Variants in DYNC1H1 observed in about 807,000 individuals in gnomAD.
DYNC1H1 encodes the protein cytoplasmic dynein 1 heavy chain 1.
DYNC1H1 carries 51 observed loss-of-function variants against 527.1 expected under a neutral mutation model. The observed-to-expected ratio is 0.10, with a 90% CI of 0.08 to 0.12. The LOEUF (loss-of-function observed/expected upper bound fraction) is 0.12, where lower values mean the gene tolerates loss of function less well. Ranked by LOEUF, DYNC1H1 falls within the 10% of genes least tolerant of loss-of-function variation. The pLI, the probability that DYNC1H1 is intolerant of heterozygous loss-of-function variation, is 1.00. For missense variants in DYNC1H1, 2,771 were observed against 5,971.8 expected (o/e 0.46, Z 17.66); for synonymous variants, 2,189 against 2,278.8 (o/e 0.96, Z 1.12).
At position 102,038,902 on chromosome 14, in the gene DYNC1H1, C is replaced by T. The variant is rs2048609181; in HGVS notation, c.11206+54C>T. On this transcript the variant is annotated intron_variant, in intron 59 of 77. Coordinates refer to ENST00000360184, the MANE Select transcript of DYNC1H1 (RefSeq NM_001376.5). The surrounding 1 kb of genome is among the most constrained non-coding windows in gnomAD (Gnocchi z 7.2). Reference sequence around the variant, plus strand: ...GGTTGGTGCAGGGGAAGGGGCTGAACTTTTAAGTGACTAGGATGTTCCACG... The same window carrying T: ...GGTTGGTGCAGGGGAAGGGGCTGAATTTTTAAGTGACTAGGATGTTCCACG... 1 of 1,613,716 alleles carries T rather than the reference C, an allele frequency of 6.2e-7. No homozygotes were observed. Among genetic ancestry groups the T allele is most frequent in the East Asian group, 2.2e-5 (1 of 44,882 alleles).
rs2048486084 is a variant in DYNC1H1 at position 102,029,468 on chromosome 14, C to T, written c.9469-71C>T. 6.2e-7 allele frequency: 1 copy of T among 1,608,418 alleles called. No individual in the cohort carries two copies. Among genetic ancestry groups the T allele is most frequent in the East Asian group, 2.2e-5 (1 of 44,706 alleles). ...ATCATGTCACACCCATCTGCCAAGG[C>T]CAAAATTGTTTTCTGAGGTTAAGTC... On this transcript the variant is annotated intron_variant, in intron 48 of 77. Coordinates refer to ENST00000360184, the MANE Select transcript of DYNC1H1 (RefSeq NM_001376.5). This position sits in a 1 kb window ranked among gnomAD's most constrained non-coding sequence, Gnocchi z 5.3.
In DYNC1H1 at chr14:102,016,710, C is replaced by T. The variant is rs1361217460; in HGVS notation, c.7615-56C>T. ...CAAGTTTGTGTTCAGGTAAACAAACCTCGTGAGGAGGCACCTTGGTTGCAG... is the reference window on the plus strand; with the variant it reads ...CAAGTTTGTGTTCAGGTAAACAAACTTCGTGAGGAGGCACCTTGGTTGCAG... On this transcript the variant is annotated intron_variant, in intron 37 of 77. Coordinates refer to ENST00000360184, the MANE Select transcript of DYNC1H1 (RefSeq NM_001376.5). This position sits in a 1 kb window ranked among gnomAD's most constrained non-coding sequence, Gnocchi z 7.3. 4.4e-6 allele frequency: 7 copies of T among 1,584,992 alleles called. No homozygotes were observed. Among genetic ancestry groups the T allele is most frequent in the Non-Finnish European group, 5.2e-6 (6 of 1,164,292 alleles).
At chr14:101,980,247 G>C (rs761723746) in intron 4 of DYNC1H1, 117 bp from the exon 5 acceptor site, 79 of 1,334,224 alleles carry the variant, frequency 5.9e-5, no homozygotes, top group Middle Eastern at 5.0e-4. Context: ...TGATTTACAG[G>C]GAAGGAAATC....
intron 63 of DYNC1H1, 74 bp downstream of exon 63, chr14:102,040,484 G>T: frequency 6.2e-7 from 1 of 1,612,708 alleles, no homozygotes; most frequent in South Asian, 1.1e-5. Flanking sequence ...ATTGCATGTG[G>T]TATAAAACCC....
At position 102,022,830 on chromosome 14, in the gene DYNC1H1, A is replaced by G. The variant is rs773039767; in HGVS notation, c.8587A>G (p.Arg2863Gly). ...TCTGAAGCACTTCCCTAACATCGACAGAGAGAAGGCAATGAGCCGACCCAT... is the reference window on the plus strand; with the variant it reads ...TCTGAAGCACTTCCCTAACATCGACGGAGAGAAGGCAATGAGCCGACCCAT... ...VALKHFPNIDREKAMSRPILY... is the reference protein window; with the variant it reads ...VALKHFPNIDGEKAMSRPILY... Residue 2863 changes from arginine to glycine, a missense_variant, in exon 43 of 78, where the codon AGA (arginine) becomes GGA (glycine). Arg to Gly is a moderately radical substitution (Grantham distance 125, BLOSUM62 -2). This residue lies in a region of DYNC1H1 where 163 missense variants were observed against 346.9 expected (regional missense o/e 0.47). Transcript: ENST00000360184. 1 of 1,614,250 alleles carries G rather than the reference A, an allele frequency of 6.2e-7. No individual in the cohort carries two copies. The highest frequency in any genetic ancestry group is 1.1e-5 in the South Asian group (1 of 91,088).
intron 1 of DYNC1H1, among the ~76,000 whole-genome samples, chr14:101,970,116 CTCTTT>C (rs1304385974): frequency 2.0e-5 from 3 of 152,264 alleles, no homozygotes; most frequent in South Asian, 2.1e-4. Flanking sequence ...AAAATTCTTT[CTCTTT>C]TCTTTTCGGG....
chr14:102,025,821 A>G (rs537963456), intron 43 of DYNC1H1, among the ~76,000 whole-genome samples: 2 of 152,314 alleles, frequency 1.3e-5, no homozygotes, highest in South Asian at 2.1e-4. Context: ...AAGTCTGTTT[A>G]ATAGGGCAGG....
intron 7 of DYNC1H1, among the ~76,000 whole-genome samples, chr14:101,984,104 A>T (rs922544386): frequency 6.6e-6 from 1 of 151,880 alleles, no homozygotes; most frequent in Non-Finnish European, 1.5e-5. Context: ...AGTAGCTGGG[A>T]CTATAGGCGC....
Position 102,036,734 on chromosome 14 carries a change from C to T in DYNC1H1, c.10908+92C>T. 1 of 1,471,574 alleles carries T rather than the reference C, an allele frequency of 6.8e-7. No individual in the cohort carries two copies. The highest frequency in any genetic ancestry group is 1.1e-5 in the South Asian group (1 of 87,526). 91.2% of individuals were successfully genotyped at this position (1,471,574 alleles called of 1,614,324 possible). A position where few individuals can be genotyped will look rare whatever the true frequency, so the allele number is the denominator to read the frequency against. ...TTTAGTTTTCAACTTTGTAAGACTT[C>T]ATTTTGTATCAGAAGGATAAAGCTT... On this transcript the variant is annotated intron_variant, in intron 57 of 77. Coordinates refer to ENST00000360184, the MANE Select transcript of DYNC1H1 (RefSeq NM_001376.5). This position sits in a 1 kb window ranked among gnomAD's most constrained non-coding sequence, Gnocchi z 5.6.
At chr14:102,035,636 GC>G (rs2048565413) in intron 56 of DYNC1H1, 1 of 152,222 alleles carries the variant, frequency 6.6e-6, no homozygotes, top group South Asian at 2.1e-4. Flanking sequence ...GGCCCACCAC[GC>G]CGTGGTGCTG....
chr14:102,001,751 C>T lies in DYNC1H1; in HGVS notation c.4542+70C>T, dbSNP rs1277557461. The T allele has an allele frequency of 1.4e-5, 23 of 1,596,930 alleles. No homozygotes were observed. Among genetic ancestry groups the T allele is most frequent in the Non-Finnish European group, 1.9e-5 (22 of 1,166,798 alleles). On this transcript the variant is annotated intron_variant, in intron 21 of 77. Coordinates refer to ENST00000360184, the MANE Select transcript of DYNC1H1 (RefSeq NM_001376.5). This position sits in a 1 kb window ranked among gnomAD's most constrained non-coding sequence, Gnocchi z 5.0. ...ACGCTTTCACTGTAATGCCTTTTCA[C>T]TGACAGTTACTAGGTACCTGTTTTT...
In DYNC1H1 at chr14:102,011,319, C is replaced by A; in HGVS notation, c.6618+367C>A. 2.7e-6 allele frequency: 1 copy of A among 369,520 alleles called. No homozygotes were observed. The highest frequency in any genetic ancestry group is 2.2e-5 in the South Asian group (1 of 45,328). The allele number at this position is 369,520 out of a possible 1,614,324, so 22.9% of individuals were successfully genotyped here. A position where few individuals can be genotyped will look rare whatever the true frequency, so the allele number is the denominator to read the frequency against. On this transcript the variant is annotated intron_variant, in intron 32 of 77. Transcript: ENST00000360184. The surrounding 1 kb of genome is among the most constrained non-coding windows in gnomAD (Gnocchi z 5.3). ...GTTTACATTCTGTATTGGCTTCTTTCCTTCCTCTATGTGATTCATTTAAGA... is the reference window on the plus strand; with the variant it reads ...GTTTACATTCTGTATTGGCTTCTTTACTTCCTCTATGTGATTCATTTAAGA...
intron 52 of DYNC1H1, 33 bp downstream of exon 52, chr14:102,032,500 A>C (rs1207552209): frequency 6.2e-7 from 1 of 1,613,598 alleles, no homozygotes; most frequent in African/African-American, 1.3e-5. Flanking sequence ...GTATTGCCAG[A>C]AATTGAAATC....
At chr14:101,975,891 T>G (rs1004887370) in intron 2 of DYNC1H1, 92 bp downstream of exon 2, 2 of 986,282 alleles carry the variant, frequency 2.0e-6, no homozygotes, top group African/African-American at 3.3e-5. Flanking sequence ...AAATTCTTAC[T>G]AAGAGAATTA....
rs1444213016 is a variant in DYNC1H1 at position 101,984,445 on chromosome 14, A to ATT, written c.1461+837_1461+838dup. 2.3e-3 allele frequency among the ~76,000 whole-genome samples: 215 copies of ATT among 92,780 alleles called. 14 individuals are homozygous for ATT. Among genetic ancestry groups the ATT allele is most frequent in the African/African-American group, 9.4e-3 (162 of 17,198 alleles). The allele number at this position is 92,780 out of a possible 152,430, so 60.9% of individuals were successfully genotyped here. A position where few individuals can be genotyped will look rare whatever the true frequency, so the allele number is the denominator to read the frequency against. ...TGTGTGTGTGTGTATATATATATAT[A>ATT]TTATATTTTTTTTTTTTTTTTTTTT... On this transcript the variant is annotated intron_variant, in intron 7 of 77. Coordinates refer to ENST00000360184, the MANE Select transcript of DYNC1H1 (RefSeq NM_001376.5).
rs1281562859 is a variant in DYNC1H1, at chr14:102,002,674, G to A, written c.4680G>A (p.Leu1560=). ...IFTGSADIKH[L]LPVETQRFQS... Reference sequence around the variant, plus strand: ...CAGGCAGTGCAGATATCAAGCACCTGCTGCCAGTGGAAACCCAGCGGTTTC... The same window carrying A: ...CAGGCAGTGCAGATATCAAGCACCTACTGCCAGTGGAAACCCAGCGGTTTC... The change falls in exon 22 of 78, where the codon CTG becomes CTA. Residue 1560 remains leucine, a synonymous_variant. Transcript: ENST00000360184. The surrounding 1 kb of genome is among the most constrained non-coding windows in gnomAD (Gnocchi z 4.4). 5.6e-6 allele frequency: 9 copies of A among 1,614,232 alleles called. No individual in the cohort carries two copies. Among genetic ancestry groups the A allele is most frequent in the Non-Finnish European group, 7.6e-6 (9 of 1,180,038 alleles).
chr14:102,004,193 G>C (rs1428759820), intron 23 of DYNC1H1, among the ~76,000 whole-genome samples: 1 of 151,322 alleles, frequency 6.6e-6, no homozygotes, highest in Non-Finnish European at 1.5e-5. Context: ...GCAGTGAGCC[G>C]AGATCGTGCC....
chr14:102,013,332 T>A (rs1249563910), intron 34 of DYNC1H1, among the ~76,000 whole-genome samples: 1 of 143,636 alleles, frequency 7.0e-6, no homozygotes, highest in Non-Finnish European at 1.5e-5. Flanking sequence ...AAATGAATAG[T>A]GATTGGTGCA....
In DYNC1H1 at chr14:102,049,369, C is replaced by T; in HGVS notation, c.13373-71C>T. On this transcript the variant is annotated intron_variant, in intron 74 of 77. Coordinates refer to ENST00000360184, the MANE Select transcript of DYNC1H1 (RefSeq NM_001376.5). The surrounding 1 kb of genome is among the most constrained non-coding windows in gnomAD (Gnocchi z 5.5). ...GGGCAGCCAGGATGCCTAGCACTTG[C>T]ACATTTGTTCCATCTGTGCTGGGGG... The T allele has an allele frequency of 1.2e-6, 2 of 1,607,668 alleles. No individual in the cohort carries two copies. Among genetic ancestry groups the T allele is most frequent in the Admixed American group, 3.3e-5 (2 of 59,900 alleles).
Sources: allele counts gnomAD v4.1 joint callset (sites outside exome capture counted in the v4.1 genomes callset), GRCh38; gene constraint gnomAD v4.1.1; regional missense constraint gnomAD v4.1.1; non-coding constraint Gnocchi (gnomAD v3.1); transcripts MANE v1.5; gene names NCBI Gene and HGNC (gene_info 2026-07-23, HGNC 2026-07-21).